Variants in MEI1 observed in about 807,000 individuals in gnomAD.
The protein encoded by MEI1 is meiosis inhibitor protein 1.
Under a neutral mutation model 146.2 loss-of-function variants are expected in MEI1, and 103 were observed. That is an observed-to-expected ratio of 0.70 (90% CI 0.60 to 0.83). The LOEUF is 0.83. Ranked by LOEUF, MEI1 falls within the 40% of genes least tolerant of loss-of-function variation. The pLI is 0.00. For synonymous variants in MEI1, 652 were observed against 628.2 expected (o/e 1.04, Z -0.57); for missense variants, 1,529 against 1,533.0 (o/e 1.00, Z 0.04).
intron 11 of MEI1, among the ~76,000 whole-genome samples, chr22:41,737,371 G>T (rs955338199): frequency 7.2e-5 from 11 of 151,732 alleles, no homozygotes; most frequent in African/African-American, 2.7e-4. Flanking sequence ...TGAGTAGCTG[G>T]GACTACAGGC....
intron 11 of MEI1, among the ~76,000 whole-genome samples, chr22:41,737,919 AT>A (rs2072524744): frequency 6.6e-6 from 1 of 151,892 alleles, no homozygotes; most frequent in African/African-American, 2.4e-5. Flanking sequence ...TTAAAAAATA[AT>A]AATAATAACC....
At position 41,795,684 on chromosome 22, in the gene MEI1, G is replaced by A; in HGVS notation, c.3667-51G>A. 6.3e-7 allele frequency: 1 copy of A among 1,595,992 alleles called. No individual in the cohort carries two copies. The highest frequency in any genetic ancestry group is 8.6e-7 in the Non-Finnish European group (1 of 1,168,254). ...GAGGATGGAGGCAGTTAGGGCCTGT[G>A]TGGAATGGGCACTGAGGAGGCCTGT... On this transcript the variant is annotated intron_variant, in intron 29 of 30. Transcript: ENST00000401548. This position sits in a 1 kb window ranked among gnomAD's most constrained non-coding sequence, Gnocchi z 4.2.
At chr22:41,740,443 T>TA (rs962486496) in intron 11 of MEI1, among the ~76,000 whole-genome samples, 1 of 152,010 alleles carries the variant, frequency 6.6e-6, no homozygotes, top group African/African-American at 2.4e-5. Context: ...TGAGAGCTGC[T>TA]AAAAAGAATT....
intron 11 of MEI1, among the ~76,000 whole-genome samples, chr22:41,734,750 G>A (rs1354189875): frequency 6.6e-6 from 1 of 151,934 alleles, no homozygotes; most frequent in Admixed American, 6.6e-5. Flanking sequence ...CAATTCTCCT[G>A]CCTCAGCCTC....
chr22:41,744,194 G>A (rs539298275), intron 12 of MEI1, among the ~76,000 whole-genome samples: 4 of 151,436 alleles, frequency 2.6e-5, no homozygotes, highest in South Asian at 2.1e-4. Context: ...ATTCTGAGAC[G>A]GAGTCTTGCT....
At position 41,758,350 on chromosome 22, in the gene MEI1, T is replaced by G; in HGVS notation, c.1952-15T>G. On this transcript the variant is annotated splice_polypyrimidine_tract_variant and intron_variant, in intron 17 of 30. Coordinates refer to ENST00000401548, the MANE Select transcript of MEI1 (RefSeq NM_152513.4). ...TGTTCTCTGTGTGGCTTTCCTCTAC[T>G]TATTCCCTCCCTAGAACTCTCTGCA... 3 of 1,606,230 alleles carry G rather than the reference T, an allele frequency of 1.9e-6. No homozygotes were observed. Among genetic ancestry groups the G allele is most frequent in the Non-Finnish European group, 2.6e-6 (3 of 1,174,744 alleles).
At chr22:41,762,336 C>T (rs908413273) in intron 18 of MEI1, among the ~76,000 whole-genome samples, 3 of 150,848 alleles carry the variant, frequency 2.0e-5, no homozygotes, top group Non-Finnish European at 3.0e-5. Context: ...CTTACTTCCC[C>T]TCCCCTACTC....
In MEI1 at chr22:41,718,105, A is replaced by G. The variant is rs774452498; in HGVS notation, c.564A>G (p.Val188=). ...NLMEHLLRGL[V]YPSEGIQASV... The stretch of plus-strand genomic sequence containing the variant: ...TGGAGCATCTGTTGAGAGGCTTAGT[A>G]TACCCCAGTGAGGGCATACAAGCTT... Residue 188 remains valine (V), a synonymous_variant, in exon 6 of 31, where the codon GTA becomes GTG. Transcript: ENST00000401548. The G allele has an allele frequency of 1.9e-6, 3 of 1,613,120 alleles. No individual in the cohort carries two copies. The highest frequency in any genetic ancestry group is 2.5e-6 in the Non-Finnish European group (3 of 1,179,784).
chr22:41,711,334 G>A (rs1454551364), intron 3 of MEI1, among the ~76,000 whole-genome samples: 1 of 152,126 alleles, frequency 6.6e-6, no homozygotes, highest in African/African-American at 2.4e-5. Context: ...CATTGCGCCC[G>A]GCTAATTTTT....
intron 17 of MEI1, among the ~76,000 whole-genome samples, chr22:41,757,556 T>C (rs990024420): frequency 1.3e-5 from 2 of 151,932 alleles, no homozygotes; most frequent in Admixed American, 6.6e-5. Flanking sequence ...GGGGTTTCAC[T>C]ATGTTGGCCA....
chr22:41,788,937 A>C (rs142619920), intron 26 of MEI1, among the ~76,000 whole-genome samples: 75 of 152,304 alleles, frequency 4.9e-4, no homozygotes, highest in African/African-American at 1.7e-3. Context: ...GCTGAGCTTA[A>C]GTGATCCTCC....
At chr22:41,792,275 C>G (rs529597299) in intron 26 of MEI1, among the ~76,000 whole-genome samples, 3 of 152,176 alleles carry the variant, frequency 2.0e-5, no homozygotes, top group Non-Finnish European at 2.9e-5. Flanking sequence ...ACCAGCACTA[C>G]AAACTGAGTG....
chr22:41,717,983 C>G (rs2070369835), intron 5 of MEI1, 88 bp from the exon 6 acceptor site: 1 of 1,123,606 alleles, frequency 8.9e-7, no homozygotes, highest in South Asian at 1.6e-5. Flanking sequence ...CTTACCATTA[C>G]TACCCCGTTA....
intron 3 of MEI1, among the ~76,000 whole-genome samples, chr22:41,711,426 C>T (rs375372712): frequency 2.0e-5 from 3 of 152,166 alleles, no homozygotes; most frequent in African/African-American, 7.2e-5. Context: ...TCTGACCCCC[C>T]GGGGGATTTT....
At chr22:41,787,794 A>G (rs2076042398) in intron 26 of MEI1, among the ~76,000 whole-genome samples, 1 of 152,242 alleles carries the variant, frequency 6.6e-6, no homozygotes. Context: ...TGAAAACCAC[A>G]GAAATTAACA....
At chr22:41,732,429 G>A (rs750857579) in intron 10 of MEI1, 40 bp from the exon 11 acceptor site, 43 of 1,613,702 alleles carry the variant, frequency 2.7e-5, no homozygotes, top group Non-Finnish European at 3.6e-5. Context: ...GGGTCAGTGA[G>A]AAGAGTTCAC....
At chr22:41,699,827 C>G (rs1316022532) in intron 1 of MEI1, 115 bp downstream of exon 1, 1 of 1,293,988 alleles carries the variant, frequency 7.7e-7, no homozygotes, top group African/African-American at 1.5e-5. Flanking sequence ...CGGGCCCCCG[C>G]GCTGTGTTCA....
At chr22:41,751,726 C>T (rs543853570) in intron 15 of MEI1, among the ~76,000 whole-genome samples, 2 of 144,132 alleles carry the variant, frequency 1.4e-5, no homozygotes, top group Admixed American at 7.1e-5. Context: ...GAGCCAAGAT[C>T]GTGCCATTGC....
chr22:41,705,971 G>A (rs1254641217), intron 3 of MEI1, among the ~76,000 whole-genome samples: 1 of 151,822 alleles, frequency 6.6e-6, no homozygotes, highest in Non-Finnish European at 1.5e-5. Flanking sequence ...GCCTCCCAAA[G>A]TGCTGGGATT....
Sources: gnomAD v4.1 joint callset for allele counts (sites outside exome capture counted in the v4.1 genomes callset) on GRCh38, gnomAD v4.1.1 for gene constraint, Gnocchi (gnomAD v3.1) non-coding constraint, MANE v1.5 for transcripts, NCBI Gene and HGNC (gene_info 2026-07-23, HGNC 2026-07-21) for gene names.